GPATCH8: variants seen among roughly 807,000 people sequenced by gnomAD.
GPATCH8 encodes the protein G patch domain-containing protein 8.
GPATCH8 carries 18 observed loss-of-function variants against 118.3 expected under a neutral mutation model. The observed-to-expected ratio is 0.15, with a 90% CI of 0.11 to 0.23. The LOEUF (loss-of-function observed/expected upper bound fraction) is 0.23. Among genes scored for constraint, GPATCH8 ranks in the 10% least tolerant of loss-of-function variants. The pLI is 1.00. For synonymous variants in GPATCH8, 659 were observed against 684.7 expected (o/e 0.96, Z 0.59); for missense variants, 1,631 against 1,873.8 (o/e 0.87, Z 2.39).
At chr17:44,412,754 C>G (rs2049492189) in intron 6 of GPATCH8, among the ~76,000 whole-genome samples, 1 of 152,188 alleles carries the variant, frequency 6.6e-6, no homozygotes, top group South Asian at 2.1e-4. Context: ...TAAGCATAAT[C>G]TGGCCTTCTT....
rs1956047316 is a variant in GPATCH8 at position 44,398,887 on chromosome 17, G to A, written c.3190C>T (p.Pro1064Ser). The part of the protein sequence containing the change: ...RGDDSKATGP[P>S]SQNSNIGTGR... ...GTGCCAATGTTGCTGTTCTGGGAAG[G>A]TGGACCTGTTGCTTTACTGTCATCT... The change falls in exon 8 of 8, where the codon CCT (proline) becomes TCT (serine). Residue 1064 changes from proline (P) to serine (S), a missense_variant. Coordinates refer to ENST00000591680, the MANE Select transcript of GPATCH8 (RefSeq NM_001002909.4). 6.2e-7 allele frequency: 1 copy of A among 1,613,884 alleles called. No individual in the cohort carries two copies. Among genetic ancestry groups the A allele is most frequent in the African/African-American group, 1.3e-5 (1 of 74,902 alleles).
In GPATCH8 at chr17:44,398,318, C is replaced by T; in HGVS notation, c.3759G>A (p.Leu1253=). 3 of 1,614,050 alleles carry T rather than the reference C, an allele frequency of 1.9e-6. No individual in the cohort carries two copies. Among genetic ancestry groups the T allele is most frequent in the Non-Finnish European group, 2.5e-6 (3 of 1,179,964 alleles). ...YLPDPSDGDT[L]ESLDSSSQPG... is the part of the protein sequence containing the mutation. ...GCTGACTGCTGCTATCCAGGGACTC[C>T]AGGGTGTCCCCATCACTGGGGTCGG... is the stretch of plus-strand genomic sequence containing the variant. The change falls in exon 8 of 8, where the codon CTG becomes CTA. Residue 1253 remains leucine, a synonymous_variant. Transcript: ENST00000591680.
intron 3 of GPATCH8, among the ~76,000 whole-genome samples, chr17:44,462,474 GC>G (rs1320891383): frequency 6.6e-6 from 1 of 152,106 alleles, no homozygotes; most frequent in Non-Finnish European, 1.5e-5. Flanking sequence ...CATACGAATT[GC>G]TCTTAATCAG....
chr17:44,501,391 T>G (rs1970054119), intron 1 of GPATCH8, among the ~76,000 whole-genome samples: 2 of 150,732 alleles, frequency 1.3e-5, no homozygotes, highest in Admixed American at 6.7e-5. Flanking sequence ...CACTCCAGCC[T>G]GGGCGACACA....
rs530544162 is a variant in GPATCH8 at position 44,450,827 on chromosome 17, GTATC to G, written c.193+13641_193+13644del. ...TAACTCACAGACACCTGTACTCCAT[GTATC>G]TATCAGCAAGTATAGATGCACAGAT... On this transcript the variant is annotated intron_variant, in intron 3 of 7. Transcript: ENST00000591680. Among the ~76,000 whole-genome samples the G allele has an allele frequency of 4.7e-3, 715 of 152,240 alleles. 1 individual carries two copies. Among genetic ancestry groups the G allele is most frequent in the Non-Finnish European group, 7.3e-3 (496 of 68,014 alleles).
intron 6 of GPATCH8, among the ~76,000 whole-genome samples, chr17:44,414,258 T>C (rs753699638): frequency 2.0e-5 from 3 of 151,652 alleles, no homozygotes; most frequent in Non-Finnish European, 4.4e-5. Context: ...AGCTGGTTAA[T>C]GAGGTTTTAA....
In GPATCH8 at chr17:44,398,832, G is replaced by A; in HGVS notation, c.3245C>T (p.Pro1082Leu). ...GGCAGTGACAGAGTTCTTGTCTTCA[G>A]GACTGCAGTCACCTTCTGACCCTCT... ...TGRGSEGDCS[P>L]EDKNSVTAKL... is the part of the protein sequence containing the mutation. Residue 1082 changes from proline to leucine, a missense_variant, in exon 8 of 8, where the codon CCT becomes CTT. By Grantham distance (98) the Pro-to-Leu change is moderately conservative. Around this residue, in one of 8 missense-constraint regions of GPATCH8, gnomAD observed 922 missense variants for 879.7 expected, o/e 1.05. Transcript: ENST00000591680. 6.2e-7 allele frequency: 1 copy of A among 1,613,954 alleles called. No homozygotes were observed. The highest frequency in any genetic ancestry group is 8.5e-7 in the Non-Finnish European group (1 of 1,179,874).
At chr17:44,464,402 T>C in intron 3 of GPATCH8, 70 bp downstream of exon 3, 1 of 925,468 alleles carries the variant, frequency 1.1e-6, no homozygotes. Context: ...ACACAACAAA[T>C]ACATTCAGGT....
At position 44,398,261 on chromosome 17, in the gene GPATCH8, T is replaced by C. The variant is rs1367983571; in HGVS notation, c.3816A>G (p.Ile1272Met). The change falls in exon 8 of 8, where the codon ATA (isoleucine) becomes ATG (methionine). Residue 1272 changes from isoleucine to methionine, a missense_variant. Coordinates refer to ENST00000591680, the MANE Select transcript of GPATCH8 (RefSeq NM_001002909.4). ...TGGGGAAATGCTCAAGGTCTGGTGC[T>C]ATAGGCAGCAAGCTGGACTCCACAG... ...PGPVESSLLPIAPDLEHFPSY... is the reference protein window; with the variant it reads ...PGPVESSLLPMAPDLEHFPSY... The C allele has an allele frequency of 3.1e-6, 5 of 1,613,350 alleles. No homozygotes were observed. In the East Asian group the frequency reaches 6.7e-5, roughly 22 times the overall value.
At chr17:44,411,485 C>T (rs761583139) in intron 6 of GPATCH8, among the ~76,000 whole-genome samples, 70 of 152,060 alleles carry the variant, frequency 4.6e-4, no homozygotes, top group African/African-American at 1.4e-3. Context: ...ATTACTTTCT[C>T]GAGTATTTAA....
intron 2 of GPATCH8, chr17:44,473,316 T>G (rs144300181): frequency 2.0e-5 from 3 of 151,404 alleles, no homozygotes; most frequent in African/African-American, 7.3e-5. Flanking sequence ...TTACATTTTT[T>G]GTAGAGATGG....
Position 44,476,420 on chromosome 17 carries a change from G to A in GPATCH8, c.46-1517C>T, listed in dbSNP as rs560586470. 2.2e-3 allele frequency among the ~76,000 whole-genome samples: 331 copies of A among 152,224 alleles called. 1 individual carries two copies. Among genetic ancestry groups the A allele is most frequent in the African/African-American group, 7.6e-3 (315 of 41,544 alleles). Reference sequence around the variant, plus strand: ...GGGTTTCACCATGTTGCCCAGGGTAGTCTCAAACTCCTGAGCTCAGGCAAT... The same window carrying A: ...GGGTTTCACCATGTTGCCCAGGGTAATCTCAAACTCCTGAGCTCAGGCAAT... On this transcript the variant is annotated intron_variant, in intron 1 of 7. Transcript: ENST00000591680.
intron 1 of GPATCH8, among the ~76,000 whole-genome samples, chr17:44,496,211 T>A (rs966475385): frequency 6.6e-6 from 1 of 152,148 alleles, no homozygotes; most frequent in African/African-American, 2.4e-5. Flanking sequence ...AGTATCAAAA[T>A]AATTTCTTGA....
At chr17:44,434,625 G>C (rs371377302) in intron 5 of GPATCH8, among the ~76,000 whole-genome samples, 1 of 152,234 alleles carries the variant, frequency 6.6e-6, no homozygotes, top group African/African-American at 2.4e-5. Flanking sequence ...GGATCACAAG[G>C]TCAGGAGTTC....
chr17:44,483,154 C>CAAAA (rs1178488342), intron 1 of GPATCH8, among the ~76,000 whole-genome samples: 4 of 846 alleles, frequency 4.7e-3, no homozygotes, highest in African/African-American at 0.011. Context: ...GACTCCGTCT[C>CAAAA]AAAAAAAAAA....
In GPATCH8 at chr17:44,435,110, T is replaced by A; in HGVS notation, c.303A>T (p.Leu101=). 6.5e-7 allele frequency: 1 copy of A among 1,535,340 alleles called. No homozygotes were observed. The highest frequency in any genetic ancestry group is 9.0e-7 in the Non-Finnish European group (1 of 1,108,116). The change falls in exon 5 of 8, where the codon CTA becomes CTT. Residue 101 remains leucine (L), a synonymous_variant. Transcript: ENST00000591680. The stretch of plus-strand genomic sequence containing the variant: ...CTTCTGTGTCTTCTTTTTCTACTTC[T>A]AGGACACGGCGCCGTTCGGTAGCAT... ...AEDATERRRV[L]EVEKEDTEEL... is the part of the protein sequence containing the mutation.
intron 5 of GPATCH8, among the ~76,000 whole-genome samples, chr17:44,428,868 A>G (rs1183613640): frequency 1.3e-5 from 2 of 151,932 alleles, no homozygotes; most frequent in Non-Finnish European, 2.9e-5. Context: ...AAGGCCAGGC[A>G]CGCTGGCTCA....
At position 44,450,726 on chromosome 17, in the gene GPATCH8, T is replaced by C. The variant is rs557204545; in HGVS notation, c.193+13746A>G. 2.2e-4 allele frequency among the ~76,000 whole-genome samples: 33 copies of C among 152,342 alleles called. 2 individuals carry two copies. The South Asian group carries it at 6.6e-3, about 31-fold the overall frequency. On this transcript the variant is annotated intron_variant, in intron 3 of 7. Transcript: ENST00000591680. ...GTTTATTATAAAACACTTTTTACTT[T>C]ATGTTCTTATCATTTTCAGATTTCA...
chr17:44,445,343 A>T (rs1032243947), intron 3 of GPATCH8, among the ~76,000 whole-genome samples: 1 of 152,178 alleles, frequency 6.6e-6, no homozygotes, highest in Non-Finnish European at 1.5e-5. Flanking sequence ...GTTTAGGGTA[A>T]GTGGTCTGTT....
Sources: allele counts gnomAD v4.1 joint callset (sites outside exome capture counted in the v4.1 genomes callset), GRCh38; gene constraint gnomAD v4.1.1; regional missense constraint gnomAD v4.1.1; transcripts MANE v1.5; gene names NCBI Gene and HGNC (gene_info 2026-07-23, HGNC 2026-07-21).